HS1BP3: variants seen among roughly 807,000 people sequenced by gnomAD.
HS1BP3 encodes HCLS1 binding protein 3.
HS1BP3 carries 32 observed loss-of-function variants against 33.5 expected under a neutral mutation model. The ratio of observed to expected loss-of-function variants is 0.95; its 90% CI spans 0.72 to 1.28. The LOEUF (loss-of-function observed/expected upper bound fraction) is 1.28, where lower values mean the gene tolerates loss of function less well. Among genes scored for constraint, HS1BP3 ranks in the 50% most tolerant of loss-of-function variants. The pLI is 0.00. For synonymous variants in HS1BP3, 187 were observed against 209.2 expected (o/e 0.89, Z 0.92); for missense variants, 486 against 502.3 (o/e 0.97, Z 0.31).
At chr2:20,583,554 C>T (rs755243416) in intron 5 of HS1BP3, among the ~76,000 whole-genome samples, 15 of 152,220 alleles carry the variant, frequency 9.9e-5, no homozygotes, top group South Asian at 2.1e-4. Context: ...AGCCTGGCAC[C>T]GCTCCTTCCA....
chr2:20,609,230 T>G (rs1694264975), intron 2 of HS1BP3, among the ~76,000 whole-genome samples: 1 of 152,192 alleles, frequency 6.6e-6, no homozygotes, highest in Non-Finnish European at 1.5e-5. Flanking sequence ...TAATAGTGCC[T>G]GTGAGAAGTC....
chr2:20,595,052 C>A (rs1179527825), intron 3 of HS1BP3, among the ~76,000 whole-genome samples: 1 of 152,156 alleles, frequency 6.6e-6, no homozygotes, highest in African/African-American at 2.4e-5. Flanking sequence ...GCCCGGCATG[C>A]CACTTCCCTG....
chr2:20,599,615 C>T (rs1386453825), intron 2 of HS1BP3, among the ~76,000 whole-genome samples: 1,905 of 135,040 alleles, frequency 0.014, 49 homozygotes, highest in African/African-American at 0.058. Flanking sequence ...GTGTAACACA[C>T]ACACACACAC....
chr2:20,646,953 A>G (rs1410769892), intron 1 of HS1BP3, among the ~76,000 whole-genome samples: 1 of 152,240 alleles, frequency 6.6e-6, no homozygotes, highest in Non-Finnish European at 1.5e-5. Context: ...CATGAGGTGG[A>G]GCTGCGTTCA....
chr2:20,631,361 CA>C (rs1382515813), intron 4 of HS1BP3, among the ~76,000 whole-genome samples: 1 of 151,484 alleles, frequency 6.6e-6, no homozygotes, highest in African/African-American at 2.4e-5. Context: ...AAAAAGTAGA[CA>C]AAAGTAGCCA....
At chr2:20,610,114 C>T (rs1345945520) in intron 2 of HS1BP3, among the ~76,000 whole-genome samples, 3 of 152,074 alleles carry the variant, frequency 2.0e-5, no homozygotes, top group Non-Finnish European at 4.4e-5. Flanking sequence ...TACAAAGTCC[C>T]CACATGCCTC....
At chr2:20,632,086 G>A (rs1038242630) in intron 4 of HS1BP3, among the ~76,000 whole-genome samples, 9 of 152,152 alleles carry the variant, frequency 5.9e-5, no homozygotes, top group Non-Finnish European at 2.9e-5. Flanking sequence ...GCTCACAGAG[G>A]ACAAAGGATG....
At chr2:20,640,912 G>A in intron 3 of HS1BP3, 61 bp downstream of exon 3, 2 of 1,524,256 alleles carry the variant, frequency 1.3e-6, no homozygotes, top group Non-Finnish European at 1.8e-6. Flanking sequence ...CTGGGGCACG[G>A]CAGCGGGGCC....
intron 3 of HS1BP3, among the ~76,000 whole-genome samples, chr2:20,593,447 A>C (rs867438262): frequency 5.3e-5 from 8 of 152,082 alleles, no homozygotes; most frequent in Non-Finnish European, 1.5e-5. Context: ...TGGCTGAATG[A>C]ATGAGTGAAT....
At chr2:20,639,924 C>T (rs1018874861) in intron 3 of HS1BP3, 1 of 152,262 alleles carries the variant, frequency 6.6e-6, no homozygotes, top group African/African-American at 2.4e-5. Flanking sequence ...CAGAAGAGAA[C>T]CCAGACCCAT....
chr2:20,575,673 C>A (rs945496713), intron 5 of HS1BP3, among the ~76,000 whole-genome samples: 1 of 152,244 alleles, frequency 6.6e-6, no homozygotes. Flanking sequence ...CCTCAAGGCC[C>A]GGCATTCCTT....
chr2:20,635,613 C>T (rs1057338419), intron 4 of HS1BP3: 2 of 152,042 alleles, frequency 1.3e-5, no homozygotes, highest in Non-Finnish European at 2.9e-5. Flanking sequence ...TTCTCAGCAC[C>T]GTGACATTCT....
intron 1 of HS1BP3, among the ~76,000 whole-genome samples, chr2:20,650,439 T>C (rs1695657318): frequency 1.3e-5 from 2 of 152,232 alleles, no homozygotes; most frequent in Admixed American, 6.5e-5. Context: ...CCAAGGCTTT[T>C]GCTGTAACTT....
At chr2:20,561,076 C>T (rs557077585) in intron 5 of HS1BP3, among the ~76,000 whole-genome samples, 1 of 152,210 alleles carries the variant, frequency 6.6e-6, no homozygotes. Context: ...CTTGCACTGA[C>T]TCCTCTGTGC....
intron 5 of HS1BP3, among the ~76,000 whole-genome samples, chr2:20,562,376 G>T (rs1693021247): frequency 6.6e-6 from 1 of 152,210 alleles, no homozygotes; most frequent in Admixed American, 6.5e-5. Context: ...CTGCTTGGGA[G>T]GCTGAGGCAG....
chr2:20,640,410 G>C (rs901986282), intron 3 of HS1BP3: 14 of 208,424 alleles, frequency 6.7e-5, no homozygotes, highest in Non-Finnish European at 1.2e-4. Flanking sequence ...GAGAAGACAG[G>C]GCCAGGACAC....
intron 5 of HS1BP3, among the ~76,000 whole-genome samples, chr2:20,565,422 C>T (rs1050225761): frequency 6.6e-6 from 1 of 152,202 alleles, no homozygotes; most frequent in Non-Finnish European, 1.5e-5. Flanking sequence ...TGAATGCCAT[C>T]CCCTGTCCCC....
At chr2:20,593,789 C>T (rs1693878009) in intron 3 of HS1BP3, among the ~76,000 whole-genome samples, 1 of 152,168 alleles carries the variant, frequency 6.6e-6, no homozygotes, top group Admixed American at 6.5e-5. Context: ...CCCTGCTGGT[C>T]CCTGGAGCCG....
chr2:20,592,139 G>T (rs1399804065), downstream of HS1BP3, among the ~76,000 whole-genome samples: 1 of 134 alleles, frequency 7.5e-3, no homozygotes, highest in Non-Finnish European at 0.021. Context: ...TCTCACATAC[G>T]TGCCCTGCTG....
Sources: gnomAD v4.1 joint callset for allele counts (sites outside exome capture counted in the v4.1 genomes callset) on GRCh38, gnomAD v4.1.1 for gene constraint, MANE v1.5 for transcripts, NCBI Gene and HGNC (gene_info 2026-07-23, HGNC 2026-07-21) for gene names.